RIGI: variants seen among roughly 807,000 people sequenced by gnomAD.
The protein encoded by RIGI is RNA sensor RIG-I.
At chr9:32,468,831 C>T in the RIGI span, among the ~76,000 whole-genome samples, 3 of 152,220 alleles carry the variant, frequency 2.0e-5, no homozygotes, top group Admixed American at 1.3e-4. Context: ...CATTTTCTGC[C>T]ACACCCACCC....
At chr9:32,461,580 T>G in the RIGI span, among the ~76,000 whole-genome samples, 1 of 152,170 alleles carries the variant, frequency 6.6e-6, no homozygotes, top group South Asian at 2.1e-4. Context: ...TAGCATCTGC[T>G]TCACGGACTG....
the RIGI span, among the ~76,000 whole-genome samples, chr9:32,496,260 G>T: frequency 6.6e-6 from 1 of 152,126 alleles, no homozygotes; most frequent in East Asian, 1.9e-4. Context: ...ATTTGATTTT[G>T]TATATAGTGT....
At chr9:32,525,834 C>T in the RIGI span, among the ~76,000 whole-genome samples, 1 of 152,080 alleles carries the variant, frequency 6.6e-6, no homozygotes, top group Non-Finnish European at 1.5e-5. Flanking sequence ...AATAGATGAG[C>T]ACCCTTAAGC....
At chr9:32,520,911 C>T in the RIGI span, among the ~76,000 whole-genome samples, 11 of 151,802 alleles carry the variant, frequency 7.2e-5, no homozygotes, top group African/African-American at 2.4e-4. Flanking sequence ...TTTGGGAGGC[C>T]GAGGCAGGCG....
chr9:32,484,129 C>G, the RIGI span, among the ~76,000 whole-genome samples: 1 of 152,084 alleles, frequency 6.6e-6, no homozygotes, highest in Admixed American at 6.6e-5. Flanking sequence ...TAAGTAGAAC[C>G]TGGGTGTTCA....
the RIGI span, among the ~76,000 whole-genome samples, chr9:32,510,338 GA>G: frequency 6.6e-6 from 1 of 152,202 alleles, no homozygotes; most frequent in African/African-American, 2.4e-5. Context: ...CAGCCAGAGA[GA>G]AAGGTTGAGT....
At chr9:32,477,137 A>C in the RIGI span, 1 of 1,612,100 alleles carries the variant, frequency 6.2e-7, no homozygotes, top group Non-Finnish European at 8.5e-7. Context: ...CTTTTCTGCA[A>C]ATGGGAAACA....
the RIGI span, among the ~76,000 whole-genome samples, chr9:32,466,656 C>T: frequency 7.6e-6 from 1 of 131,984 alleles, no homozygotes; most frequent in East Asian, 2.6e-4. Flanking sequence ...TACACCACTG[C>T]ACTCTAGCCT....
At chr9:32,459,700 A>T in the RIGI span, among the ~76,000 whole-genome samples, 3 of 152,182 alleles carry the variant, frequency 2.0e-5, no homozygotes, top group East Asian at 5.8e-4. Context: ...ACTTAGTATT[A>T]GTCAATGCTT....
the RIGI span, among the ~76,000 whole-genome samples, chr9:32,470,439 C>T: frequency 6.6e-6 from 1 of 152,136 alleles, no homozygotes; most frequent in Non-Finnish European, 1.5e-5. Flanking sequence ...TGACTGTGTT[C>T]CCCCAAAAAG....
At chr9:32,487,907 A>T in the RIGI span, 1 of 1,604,850 alleles carries the variant, frequency 6.2e-7, no homozygotes, top group South Asian at 1.1e-5. Context: ...TAGGAAGATT[A>T]TAGCTCTTCT....
At chr9:32,466,852 T>C in the RIGI span, among the ~76,000 whole-genome samples, 1 of 152,142 alleles carries the variant, frequency 6.6e-6, no homozygotes, top group Non-Finnish European at 1.5e-5. Context: ...GCTTTAAAGA[T>C]ACCTACATGA....
chr9:32,494,013 G>C, the RIGI span: 2 of 1,196,448 alleles, frequency 1.7e-6, no homozygotes, highest in Non-Finnish European at 2.3e-6. Flanking sequence ...TAGTATCATA[G>C]AAATCATGTT....
chr9:32,467,981 C>A, the RIGI span: 2 of 1,484,654 alleles, frequency 1.3e-6, no homozygotes, highest in Non-Finnish European at 9.0e-7. Flanking sequence ...GAGGGAACTT[C>A]CCCCTTGAAA....
the RIGI span, among the ~76,000 whole-genome samples, chr9:32,516,364 G>A: frequency 6.6e-6 from 1 of 152,164 alleles, no homozygotes; most frequent in South Asian, 2.1e-4. Flanking sequence ...CTCCCTGTTT[G>A]GCTTTCTGTG....
the RIGI span, among the ~76,000 whole-genome samples, chr9:32,458,992 G>A: frequency 4.0e-5 from 6 of 149,444 alleles, no homozygotes; most frequent in African/African-American, 1.5e-4. Flanking sequence ...CGGTTCAAGC[G>A]ATTCTCCTGC....
At chr9:32,467,213 G>T in the RIGI span, among the ~76,000 whole-genome samples, 2 of 152,100 alleles carry the variant, frequency 1.3e-5, no homozygotes, top group African/African-American at 2.4e-5. Context: ...AAGTTGGAAT[G>T]AAATAGGTGT....
chr9:32,486,149 AC>A, the RIGI span, among the ~76,000 whole-genome samples: 3 of 152,104 alleles, frequency 2.0e-5, no homozygotes, highest in Admixed American at 1.3e-4. Context: ...CAGTTCTCTA[AC>A]AGAAGTACAT....
At chr9:32,468,657 C>A in the RIGI span, among the ~76,000 whole-genome samples, 1 of 151,110 alleles carries the variant, frequency 6.6e-6, no homozygotes, top group South Asian at 2.1e-4. Context: ...GAGAATGAGA[C>A]TCTATCTTAA....
Sources: allele counts gnomAD v4.1 joint callset (sites outside exome capture counted in the v4.1 genomes callset), GRCh38; gene constraint gnomAD v4.1.1; transcripts MANE v1.5; gene names NCBI Gene and HGNC (gene_info 2026-07-23, HGNC 2026-07-21).